The following ITPR1 variants were observed in gnomAD, a reference collection of about 807,000 sequenced individuals.
The protein encoded by ITPR1 is inositol 1,4,5-trisphosphate receptor type 1.
Under a neutral mutation model 318.4 loss-of-function variants are expected in ITPR1, and 96 were observed. The ratio of observed to expected loss-of-function variants is 0.30; its 90% confidence interval spans 0.26 to 0.36. The LOEUF (loss-of-function observed/expected upper bound fraction) is 0.36, where lower values mean the gene tolerates loss of function less well. Among genes scored for constraint, ITPR1 ranks in the 10% least tolerant of loss-of-function variants. The pLI is 1.00. For missense variants in ITPR1, 2,440 were observed against 3,460.2 expected (o/e 0.71, Z 7.40); for synonymous variants, 1,312 against 1,289.9 (o/e 1.02, Z -0.37).
At chr3:4,639,595 T>C in intron 6 of ITPR1, 125 bp downstream of exon 6, 1 of 690,594 alleles carries the variant, frequency 1.4e-6, no homozygotes, top group Non-Finnish European at 2.5e-6. Context: ...AGCCAGTTTA[T>C]TGCAAAAAGT....
At chr3:4,681,478 G>C in intron 26 of ITPR1, 60 bp downstream of exon 26, 1 of 1,146,394 alleles carries the variant, frequency 8.7e-7, no homozygotes, top group Non-Finnish European at 1.3e-6. Flanking sequence ...GCTCTCAGAG[G>C]CCTTCCCTTT....
At chr3:4,611,561 A>AAGAT (rs2092121799) in intron 4 of ITPR1, among the ~76,000 whole-genome samples, 2 of 142,474 alleles carry the variant, frequency 1.4e-5, no homozygotes, top group African/African-American at 5.3e-5. Context: ...CTCTCTCTCA[A>AAGAT]AAATAAATAA....
chr3:4,670,971 A>C (rs2094065248), intron 20 of ITPR1, 45 bp downstream of exon 20: 2 of 1,340,652 alleles, frequency 1.5e-6, no homozygotes, highest in Admixed American at 2.8e-5. Flanking sequence ...GCCCCAAAAC[A>C]GTGGCACTTA....
rs2046416222 is a variant in ITPR1 at position 4,775,230 on chromosome 3, A to G, written c.5980-12A>G. On this transcript the variant is annotated splice_polypyrimidine_tract_variant and intron_variant, in intron 46 of 61. Coordinates refer to ENST00000649015, the MANE Select transcript of ITPR1 (RefSeq NM_001378452.1). ...CCTTTGCTCACCGAACCTGGGGACT[A>G]CCCAATTGCAGAACTTCCTCCGTTG... The G allele has an allele frequency of 6.2e-7, 1 of 1,606,186 alleles. No homozygotes were observed. The highest frequency in any genetic ancestry group is 8.5e-7 in the Non-Finnish European group (1 of 1,172,910).
chr3:4,648,237 T>C (rs1195040179), intron 10 of ITPR1, among the ~76,000 whole-genome samples: 1 of 152,192 alleles, frequency 6.6e-6, no homozygotes, highest in Non-Finnish European at 1.5e-5. Context: ...TATAAAGTTT[T>C]TGTTAATTCC....
intron 4 of ITPR1, among the ~76,000 whole-genome samples, chr3:4,614,499 A>C (rs539036195): frequency 6.6e-6 from 1 of 152,242 alleles, no homozygotes; most frequent in Non-Finnish European, 1.5e-5. Context: ...TGAGTTAGCT[A>C]TGTGGTTATT....
At chr3:4,608,637 C>G (rs1014927207) in intron 4 of ITPR1, among the ~76,000 whole-genome samples, 1 of 151,888 alleles carries the variant, frequency 6.6e-6, no homozygotes, top group African/African-American at 2.4e-5. Flanking sequence ...TGTGTAGAAG[C>G]CAGGGATGCT....
intron 10 of ITPR1, among the ~76,000 whole-genome samples, chr3:4,650,646 C>CTGT (rs2093576115): frequency 7.4e-6 from 1 of 135,316 alleles, no homozygotes; most frequent in Non-Finnish European, 1.5e-5. Flanking sequence ...TGTGTGTGTG[C>CTGT]GCGCGTCTGT....
At chr3:4,571,990 T>C (rs538744169) in intron 4 of ITPR1, among the ~76,000 whole-genome samples, 6 of 152,332 alleles carry the variant, frequency 3.9e-5, no homozygotes, top group African/African-American at 1.2e-4. Flanking sequence ...TAGACCTCAC[T>C]GTCTGAGTCT....
At position 4,768,697 on chromosome 3, in the gene ITPR1, T is replaced by C. The variant is rs1232870545; in HGVS notation, c.5912T>C (p.Ile1971Thr). The change falls in exon 46 of 62, where the codon ATC becomes ACC. Residue 1971 changes from isoleucine to threonine, a missense_variant. By Grantham distance (89) the Ile-to-Thr change is moderately conservative. Transcript: ENST00000649015. ...AKDDLEMSAVITIMQPILRFL... is the reference protein window; with the variant it reads ...AKDDLEMSAVTTIMQPILRFL... ...GACGACCTGGAGATGAGCGCGGTCA[T>C]CACCATCATGCAGCCCATCCTCCGC... is the stretch of plus-strand genomic sequence containing the variant. 6.2e-7 allele frequency: 1 copy of C among 1,613,616 alleles called. No homozygotes were observed. Among genetic ancestry groups the C allele is most frequent in the Non-Finnish European group, 8.5e-7 (1 of 1,179,852 alleles).
chr3:4,737,150 T>G (rs542573101), intron 44 of ITPR1, among the ~76,000 whole-genome samples: 1 of 152,308 alleles, frequency 6.6e-6, no homozygotes, highest in South Asian at 2.1e-4. Flanking sequence ...CCCTAGGTTG[T>G]TATTCCTTCC....
At chr3:4,572,735 A>T (rs1383657216) in intron 4 of ITPR1, among the ~76,000 whole-genome samples, 2 of 152,208 alleles carry the variant, frequency 1.3e-5, no homozygotes, top group Admixed American at 6.5e-5. Context: ...TTAAACAGTA[A>T]GTCCCCTTTT....
Position 4,779,434 on chromosome 3 carries a change from G to A in ITPR1, c.6292-116G>A, listed in dbSNP as rs2046679941. On this transcript the variant is annotated intron_variant, in intron 48 of 61. Coordinates refer to ENST00000649015, the MANE Select transcript of ITPR1 (RefSeq NM_001378452.1). This position sits in a 1 kb window ranked among gnomAD's most constrained non-coding sequence, Gnocchi z 4.0. ...CCTTAACCCAGAGCTTCCTCATGGG[G>A]TGAAATGTTCGTCTGTTTAGCCGGG... is the stretch of plus-strand genomic sequence containing the variant. The A allele has an allele frequency of 1.4e-6, 1 of 718,614 alleles. No individual in the cohort carries two copies. The highest frequency in any genetic ancestry group is 2.5e-6 in the Non-Finnish European group (1 of 392,824). 44.5% of individuals were successfully genotyped at this position (718,614 alleles called of 1,614,324 possible). A position where few individuals can be genotyped will look rare whatever the true frequency, so the allele number is the denominator to read the frequency against.
At chr3:4,797,074 G>A (rs936134726) in intron 53 of ITPR1, among the ~76,000 whole-genome samples, 1 of 151,988 alleles carries the variant, frequency 6.6e-6, no homozygotes, top group African/African-American at 2.4e-5. Flanking sequence ...GCATGGTTTG[G>A]AATCATGGGC....
At position 4,503,742 on chromosome 3, in the gene ITPR1, C is replaced by CGGTTG. The variant is rs2081203665; in HGVS notation, c.-17+9240_-17+9241insGGGTT. Among the ~76,000 whole-genome samples the CGGTTG allele has an allele frequency of 2.0e-5, 3 of 152,112 alleles. No individual in the cohort carries two copies. The South Asian group carries it at 6.2e-4, about 32-fold the overall frequency. On this transcript the variant is annotated intron_variant, in intron 2 of 61. Coordinates refer to ENST00000649015, the MANE Select transcript of ITPR1 (RefSeq NM_001378452.1). Reference sequence around the variant, plus strand: ...CTGCCCTAGAATGTCAGTAGTGAACCGGTTAAGAAACCCTGTCCTTGAGTG... The same window carrying CGGTTG: ...CTGCCCTAGAATGTCAGTAGTGAACCGGTTGGGTTAAGAAACCCTGTCCTTGAGTG...
chr3:4,815,842 G>A (rs917678979), intron 59 of ITPR1, among the ~76,000 whole-genome samples: 1 of 151,986 alleles, frequency 6.6e-6, no homozygotes, highest in Non-Finnish European at 1.5e-5. Context: ...TAAATTCTTT[G>A]CTTTTTGCCC....
At chr3:4,698,391 T>C (rs940935207) in intron 34 of ITPR1, among the ~76,000 whole-genome samples, 4 of 152,160 alleles carry the variant, frequency 2.6e-5, no homozygotes, top group Admixed American at 1.3e-4. Context: ...TTTTTAAAAA[T>C]CTCAAACTCC....
intron 35 of ITPR1, 52 bp downstream of exon 35, chr3:4,699,993 T>C: frequency 6.4e-7 from 1 of 1,560,448 alleles, no homozygotes; most frequent in South Asian, 1.1e-5. Flanking sequence ...CTTCTGCAGT[T>C]GGGCTTGATG....
chr3:4,776,534 T>C (rs1256418342), intron 47 of ITPR1, among the ~76,000 whole-genome samples: 1 of 152,186 alleles, frequency 6.6e-6, no homozygotes, highest in East Asian at 1.9e-4. Flanking sequence ...AGACAACTCA[T>C]TGTCTATTAA....
Sources: gnomAD v4.1 joint callset for allele counts (sites outside exome capture counted in the v4.1 genomes callset) on GRCh38, gnomAD v4.1.1 for gene constraint, Gnocchi (gnomAD v3.1) non-coding constraint, MANE v1.5 for transcripts, NCBI Gene and HGNC (gene_info 2026-07-23, HGNC 2026-07-21) for gene names.